Variants in DNAH11 observed in about 807,000 individuals in gnomAD.
DNAH11 encodes dynein axonemal heavy chain 11, also known as axonemal beta dynein heavy chain 11.
A neutral mutation model predicts 526.0 loss-of-function variants in DNAH11; 442 were observed. The observed-to-expected ratio is 0.84, with a 90% CI of 0.78 to 0.91. DNAH11 has a LOEUF of 0.91. Ranked by LOEUF, DNAH11 falls within the 40% of genes least tolerant of loss-of-function variation. The pLI, the probability that DNAH11 is intolerant of heterozygous loss-of-function variation, is 0.00. For synonymous variants in DNAH11, 2,461 were observed against 1,935.9 expected (o/e 1.27, Z -7.12); for missense variants, 6,989 against 5,448.7 (o/e 1.28, Z -8.90).
At chr7:21,873,224 A>G (rs1170871888) in intron 73 of DNAH11, 50 bp from the exon 74 acceptor site, 1 of 1,385,020 alleles carries the variant, frequency 7.2e-7, no homozygotes, top group Non-Finnish European at 1.0e-6. Context: ...CTTATAATTC[A>G]AGTAATATGC....
At position 21,588,437 on chromosome 7, in the gene DNAH11, AATTGCTTACAGGG is replaced by A; in HGVS notation, c.1849-74_1849-62del. The A allele has an allele frequency of 2.6e-6, 4 of 1,555,512 alleles. No homozygotes were observed. In the East Asian group the frequency reaches 9.0e-5, roughly 35 times the overall value. ...CTACTGTAAAAATACCAAAATGAAA[AATTGCTTACAGGG>A]TTGGAAACCATTCTGACTAAATGTT... is the stretch of plus-strand genomic sequence containing the variant. On this transcript the variant is annotated intron_variant, in intron 10 of 81. Coordinates refer to ENST00000409508, the MANE Select transcript of DNAH11 (RefSeq NM_001277115.2).
At chr7:21,783,167 T>A (rs528897616) in intron 57 of DNAH11, among the ~76,000 whole-genome samples, 1 of 152,162 alleles carries the variant, frequency 6.6e-6, no homozygotes, top group Non-Finnish European at 1.5e-5. Context: ...ATTTTCATGG[T>A]CCATTCCTGG....
intron 25 of DNAH11, among the ~76,000 whole-genome samples, chr7:21,624,972 A>G (rs915012690): frequency 6.6e-6 from 1 of 151,976 alleles, no homozygotes. Context: ...ATGTATGTTC[A>G]TCAGGGATAT....
At chr7:21,668,933 A>C (rs570969150) in intron 30 of DNAH11, among the ~76,000 whole-genome samples, 1 of 152,316 alleles carries the variant, frequency 6.6e-6, no homozygotes, top group South Asian at 2.1e-4. Flanking sequence ...TGTTAATACT[A>C]CCATGGACAA....
chr7:21,748,188 A>G (rs1343968833), intron 51 of DNAH11, among the ~76,000 whole-genome samples: 1 of 152,208 alleles, frequency 6.6e-6, no homozygotes, highest in African/African-American at 2.4e-5. Context: ...TAAAGAATAA[A>G]CAAAACAGAC....
intron 36 of DNAH11, among the ~76,000 whole-genome samples, chr7:21,702,285 G>A (rs1387565504): frequency 1.3e-5 from 2 of 152,148 alleles, no homozygotes; most frequent in African/African-American, 4.8e-5. Flanking sequence ...AGTAATTGGG[G>A]CCATTAGGGA....
intron 14 of DNAH11, among the ~76,000 whole-genome samples, chr7:21,595,340 A>T (rs1784824690): frequency 6.6e-6 from 1 of 152,190 alleles, no homozygotes; most frequent in African/African-American, 2.4e-5. Flanking sequence ...GGATTTTCAC[A>T]TTCAAATTTT....
chr7:21,661,993 GT>G (rs1244936574), intron 30 of DNAH11, among the ~76,000 whole-genome samples: 1 of 151,756 alleles, frequency 6.6e-6, no homozygotes, highest in Non-Finnish European at 1.5e-5. Context: ...TAATTTTTGT[GT>G]TTTTAGTAGA....
chr7:21,710,673 A>T lies in DNAH11; in HGVS notation c.6804A>T (p.Glu2268Asp). The T allele has an allele frequency of 6.2e-7, 1 of 1,613,024 alleles. No individual in the cohort carries two copies. The highest frequency in any genetic ancestry group is 8.5e-7 in the Non-Finnish European group (1 of 1,179,432). The change falls in exon 41 of 82, where the codon GAA becomes GAT. Residue 2268 changes from glutamate to aspartate, a missense_variant. Transcript: ENST00000409508. ...LDGDIDPMWI[E>D]SLNTVMDDNK... is the part of the protein sequence containing the mutation. ...GCGATATTGACCCCATGTGGATTGA[A>T]TCACTGAATACTGTAATGGATGATA...
At chr7:21,825,881 C>A (rs920348184) in intron 65 of DNAH11, among the ~76,000 whole-genome samples, 2 of 151,502 alleles carry the variant, frequency 1.3e-5, no homozygotes, top group African/African-American at 4.9e-5. Context: ...ACGGCATGAA[C>A]CTGGGAGGTG....
intron 71 of DNAH11, among the ~76,000 whole-genome samples, chr7:21,867,356 C>G (rs376604916): frequency 1.1e-4 from 16 of 152,342 alleles, no homozygotes; most frequent in East Asian, 5.8e-4. Context: ...CTGCTGAACT[C>G]TACTTTACAA....
At chr7:21,814,193 T>A (rs1248114352) in intron 63 of DNAH11, among the ~76,000 whole-genome samples, 1 of 152,184 alleles carries the variant, frequency 6.6e-6, no homozygotes, top group African/African-American at 2.4e-5. Flanking sequence ...TACACCTGCA[T>A]AGAACACCTA....
chr7:21,644,202 G>T (rs1787249055), intron 28 of DNAH11, among the ~76,000 whole-genome samples: 1 of 152,134 alleles, frequency 6.6e-6, no homozygotes, highest in African/African-American at 2.4e-5. Context: ...CTTTATATTA[G>T]GTGATAAAAA....
chr7:21,572,605 A>C (rs2128437487), intron 8 of DNAH11, among the ~76,000 whole-genome samples: 1 of 152,312 alleles, frequency 6.6e-6, no homozygotes, highest in South Asian at 2.1e-4. Context: ...CCCAAGTCCA[A>C]AAGAATGAAG....
chr7:21,679,667 T>G (rs1419276874), intron 30 of DNAH11, among the ~76,000 whole-genome samples: 1 of 152,288 alleles, frequency 6.6e-6, no homozygotes, highest in East Asian at 1.9e-4. Flanking sequence ...CTGTCCTGAA[T>G]GCTTCTTGCA....
At chr7:21,649,808 G>A (rs1399818991) in intron 28 of DNAH11, among the ~76,000 whole-genome samples, 1 of 152,010 alleles carries the variant, frequency 6.6e-6, no homozygotes. Flanking sequence ...TGGGATTATA[G>A]GTGTGCACCA....
At chr7:21,709,353 A>G (rs968893230) in intron 40 of DNAH11, among the ~76,000 whole-genome samples, 2 of 152,200 alleles carry the variant, frequency 1.3e-5, no homozygotes, top group African/African-American at 2.4e-5. Flanking sequence ...ATTCTTATTC[A>G]CAAGTGGGAG....
chr7:21,851,669 C>G (rs80109002), intron 66 of DNAH11: 1 of 470,930 alleles, frequency 2.1e-6, no homozygotes, highest in Admixed American at 2.4e-5. Flanking sequence ...GTAGAGACTA[C>G]GAAGACTGGG....
intron 66 of DNAH11, among the ~76,000 whole-genome samples, chr7:21,847,413 T>A (rs995578075): frequency 9.2e-5 from 14 of 152,356 alleles, no homozygotes; most frequent in African/African-American, 3.4e-4. Flanking sequence ...AAAATATTTT[T>A]AAGTTTTTCT....
Sources: gnomAD v4.1 joint callset for allele counts (sites outside exome capture counted in the v4.1 genomes callset) on GRCh38, gnomAD v4.1.1 for gene constraint, MANE v1.5 for transcripts, NCBI Gene and HGNC (gene_info 2026-07-23, HGNC 2026-07-21) for gene names.